Variants in RBM6 observed in about 807,000 individuals in gnomAD.
RBM6 encodes RNA-binding protein 6.
A neutral mutation model predicts 140.4 loss-of-function variants in RBM6; 23 were observed. The ratio of observed to expected loss-of-function variants is 0.16; its 90% CI spans 0.12 to 0.23. The LOEUF (loss-of-function observed/expected upper bound fraction) is 0.23. RBM6 is among the 10% of genes least tolerant of loss of function. RBM6 has a pLI of 1.00. For missense variants in RBM6, 1,139 were observed against 1,386.7 expected, an observed-to-expected ratio of 0.82 and a Z score of 2.84; for synonymous variants, 439 against 475.6, an observed-to-expected ratio of 0.92 and a Z score of 1.00.
chr3:50,031,207 T>A (rs2088131620), intron 6 of RBM6, among the ~76,000 whole-genome samples: 1 of 152,170 alleles, frequency 6.6e-6, no homozygotes, highest in African/African-American at 2.4e-5. Context: ...AGAAATACCA[T>A]TTGACCCAGC....
In RBM6 at chr3:50,059,765, G is replaced by C; in HGVS notation, c.2228+19G>C. On this transcript the variant is annotated intron_variant, in intron 11 of 20. Transcript: ENST00000266022. The stretch of plus-strand genomic sequence containing the variant: ...AACGAAGGTAAGGCAGAAGGGTGAG[G>C]ATCTCTTGTGCTGCCCCCACTTGTG... The C allele has an allele frequency of 6.3e-7, 1 of 1,589,912 alleles. No homozygotes were observed. Among genetic ancestry groups the C allele is most frequent in the Non-Finnish European group, 8.6e-7 (1 of 1,160,470 alleles).
At chr3:50,005,356 G>A (rs1287125939) in intron 6 of RBM6, among the ~76,000 whole-genome samples, 1 of 151,922 alleles carries the variant, frequency 6.6e-6, no homozygotes, top group Admixed American at 6.6e-5. Context: ...AAATTAGCTG[G>A]GTGTAGTGGC....
At chr3:50,071,000 A>G (rs1320299233) in intron 19 of RBM6, among the ~76,000 whole-genome samples, 2 of 152,210 alleles carry the variant, frequency 1.3e-5, no homozygotes, top group Non-Finnish European at 2.9e-5. Context: ...GCCCAGAGTT[A>G]TATAGAATTT....
At chr3:50,030,696 G>A (rs1164481644) in intron 6 of RBM6, among the ~76,000 whole-genome samples, 1 of 152,182 alleles carries the variant, frequency 6.6e-6, no homozygotes, top group East Asian at 1.9e-4. Flanking sequence ...GCTTTCTTAT[G>A]GTGGTTTGGT....
chr3:50,024,243 CCTT>C (rs1180088798), intron 6 of RBM6, among the ~76,000 whole-genome samples: 10 of 152,076 alleles, frequency 6.6e-5, no homozygotes, highest in Admixed American at 6.6e-4. Flanking sequence ...AAAGAACAGT[CCTT>C]CTAAATAATT....
intron 6 of RBM6, among the ~76,000 whole-genome samples, chr3:50,025,906 C>T (rs2087788636): frequency 1.3e-5 from 2 of 151,746 alleles, no homozygotes; most frequent in South Asian, 4.2e-4. Context: ...GAACTTTGAC[C>T]AACATGGTGA....
At chr3:50,030,298 A>AG (rs2088078425) in intron 6 of RBM6, among the ~76,000 whole-genome samples, 1 of 150,930 alleles carries the variant, frequency 6.6e-6, no homozygotes, top group Non-Finnish European at 1.5e-5. Flanking sequence ...AAAAAAAAAA[A>AG]AAAAAAAAAA....
intron 19 of RBM6, among the ~76,000 whole-genome samples, chr3:50,073,857 T>TC (rs2090380369): frequency 6.6e-6 from 1 of 151,846 alleles, no homozygotes; most frequent in South Asian, 2.1e-4. Context: ...TTTTTTTTTT[T>TC]TCCTTTTGTT....
chr3:50,032,401 T>C (rs1402744031), intron 6 of RBM6, among the ~76,000 whole-genome samples: 1 of 150,834 alleles, frequency 6.6e-6, no homozygotes, highest in Non-Finnish European at 1.5e-5. Flanking sequence ...GGAGAATTGG[T>C]TGAACCCAGG....
intron 20 of RBM6, among the ~76,000 whole-genome samples, chr3:50,076,168 C>G (rs185977882): frequency 6.6e-6 from 1 of 151,814 alleles, no homozygotes; most frequent in South Asian, 2.1e-4. Flanking sequence ...AGAGTTTTGC[C>G]ATGTTGGCCA....
intron 18 of RBM6, among the ~76,000 whole-genome samples, chr3:50,069,109 C>A (rs563742783): frequency 2.1e-4 from 32 of 152,238 alleles, no homozygotes; most frequent in Middle Eastern, 3.4e-3. Context: ...AAAGGCTAAG[C>A]TGGAGGAAGT....
chr3:49,962,754 C>T (rs2108619009), intron 2 of RBM6, 69 bp downstream of exon 2: 2 of 1,351,104 alleles, frequency 1.5e-6, no homozygotes, highest in Non-Finnish European at 2.0e-6. Context: ...TTTTCGCCTA[C>T]TATAAATGAA....
intron 5 of RBM6, among the ~76,000 whole-genome samples, chr3:49,978,581 T>C (rs758068984): frequency 3.3e-5 from 5 of 152,222 alleles, no homozygotes; most frequent in Non-Finnish European, 7.3e-5. Context: ...TAAATGAGCT[T>C]ATGAATTTTT....
At chr3:49,945,686 T>G (rs571536230) in intron 1 of RBM6, among the ~76,000 whole-genome samples, 62 of 151,820 alleles carry the variant, frequency 4.1e-4, no homozygotes, top group Non-Finnish European at 7.8e-4. Context: ...ATCGAGACCA[T>G]CCTGGCCAAC....
chr3:49,954,137 GA>G lies in RBM6; in HGVS notation c.-66-8425del, dbSNP rs34880436. Among the ~76,000 whole-genome samples the G allele has an allele frequency of 8.4e-3, 1,144 of 136,944 alleles. 15 individuals carry two copies. The highest frequency in any genetic ancestry group is 0.026 in the African/African-American group (980 of 37,632). 89.8% of individuals were successfully genotyped at this position (136,944 alleles called of 152,430 possible). ...GGTGACAGAGTGAGATAAGGTCTCAGAAAAAAAAAAAAAATTTATAGGCCGG... is the reference window on the plus strand; with the variant it reads ...GGTGACAGAGTGAGATAAGGTCTCAGAAAAAAAAAAAAATTTATAGGCCGG... On this transcript the variant is annotated intron_variant, in intron 1 of 20. Coordinates refer to ENST00000266022, the MANE Select transcript of RBM6 (RefSeq NM_005777.3).
intron 6 of RBM6, among the ~76,000 whole-genome samples, chr3:50,043,632 A>T (rs994812625): frequency 6.6e-6 from 1 of 151,166 alleles, no homozygotes; most frequent in Non-Finnish European, 1.5e-5. Flanking sequence ...TTGCCAGGCT[A>T]GAGTGCAGTG....
At chr3:49,962,110 T>A (rs2084307719) in intron 1 of RBM6, among the ~76,000 whole-genome samples, 1 of 147,272 alleles carries the variant, frequency 6.8e-6, no homozygotes, top group Non-Finnish European at 1.5e-5. Flanking sequence ...GATCGTGCCT[T>A]TGCACTTCAG....
At chr3:50,017,068 C>T (rs1344818881) in intron 6 of RBM6, among the ~76,000 whole-genome samples, 2 of 152,100 alleles carry the variant, frequency 1.3e-5, no homozygotes, top group Non-Finnish European at 2.9e-5. Flanking sequence ...TCAAGTGATC[C>T]TCCCACCTTG....
At chr3:50,062,201 G>A in intron 15 of RBM6, 93 bp downstream of exon 15, 1 of 1,441,820 alleles carries the variant, frequency 6.9e-7, no homozygotes, top group Non-Finnish European at 9.3e-7. Context: ...CAAGTGTAAA[G>A]TAACTTTAAA....
Sources: gnomAD v4.1 joint callset for allele counts (sites outside exome capture counted in the v4.1 genomes callset) on GRCh38, gnomAD v4.1.1 for gene constraint, MANE v1.5 for transcripts, NCBI Gene and HGNC (gene_info 2026-07-23, HGNC 2026-07-21) for gene names.